The following DLGAP2 variants were observed in gnomAD, a reference collection of about 807,000 sequenced individuals.
The protein encoded by DLGAP2 is disks large-associated protein 2.
Under a neutral mutation model 100.3 loss-of-function variants are expected in DLGAP2, and 26 were observed. The ratio of observed to expected loss-of-function variants is 0.26; its 90% CI spans 0.19 to 0.36. The LOEUF is 0.36. Ranked by LOEUF, DLGAP2 falls within the 10% of genes least tolerant of loss-of-function variation. The pLI is 1.00. For synonymous variants in DLGAP2, 886 were observed against 630.1 expected, an observed-to-expected ratio of 1.41 and a Z score of -6.08; for missense variants, 1,858 against 1,453.2, an observed-to-expected ratio of 1.28 and a Z score of -4.53.
At chr8:1,569,286 C>T (rs143818579) in intron 6 of DLGAP2, among the ~76,000 whole-genome samples, 115 of 152,396 alleles carry the variant, frequency 7.5e-4, no homozygotes, top group African/African-American at 2.7e-3. Context: ...ATGAGTCCAA[C>T]AAATGTCAGG....
chr8:915,273 C>T (rs534051949), intron 2 of DLGAP2, among the ~76,000 whole-genome samples: 3 of 152,304 alleles, frequency 2.0e-5, no homozygotes, highest in Admixed American at 6.5e-5. Flanking sequence ...CTGGGCTGGG[C>T]GCGGTGGCTC....
intron 2 of DLGAP2, among the ~76,000 whole-genome samples, chr8:911,334 C>G (rs554293638): frequency 6.8e-6 from 1 of 147,210 alleles, no homozygotes; most frequent in East Asian, 2.1e-4. Flanking sequence ...GTTGGAAGGA[C>G]GCATGTATAA....
chr8:1,375,050 T>C (rs1802356011), intron 3 of DLGAP2, among the ~76,000 whole-genome samples: 1 of 152,166 alleles, frequency 6.6e-6, no homozygotes, highest in Admixed American at 6.5e-5. Context: ...GCTGTTCATC[T>C]CCAGGAAATT....
intron 8 of DLGAP2, among the ~76,000 whole-genome samples, chr8:1,648,132 G>C (rs976385488): frequency 2.0e-5 from 3 of 152,230 alleles, no homozygotes; most frequent in South Asian, 4.1e-4. Context: ...ACGTATGAGT[G>C]AGTGATTTGA....
At chr8:1,253,817 TC>T (rs1178132335) in intron 2 of DLGAP2, among the ~76,000 whole-genome samples, 2 of 152,204 alleles carry the variant, frequency 1.3e-5, no homozygotes, top group Admixed American at 6.5e-5. Flanking sequence ...ACATTGTGAA[TC>T]TTTTTTAATG....
At chr8:1,148,337 CT>C (rs1318051836) in intron 2 of DLGAP2, among the ~76,000 whole-genome samples, 5 of 151,966 alleles carry the variant, frequency 3.3e-5, no homozygotes, top group Admixed American at 6.6e-5. Flanking sequence ...TTGCTTTAAG[CT>C]TCTTTTGTTT....
intron 1 of DLGAP2, among the ~76,000 whole-genome samples, chr8:878,729 A>T (rs1184749669): frequency 6.6e-6 from 1 of 152,142 alleles, no homozygotes; most frequent in Admixed American, 6.5e-5. Flanking sequence ...CTTTCCAAGA[A>T]GGTGGATTTT....
At position 1,538,514 on chromosome 8, in the gene DLGAP2, A is replaced by G. The variant is rs566804049; in HGVS notation, c.173-10112A>G. Reference sequence around the variant, plus strand: ...GGCTCAGGGCTCAGACTGCATGATAAGATAACCATTTTGTGAAAAGATGAA... The same window carrying G: ...GGCTCAGGGCTCAGACTGCATGATAGGATAACCATTTTGTGAAAAGATGAA... On this transcript the variant is annotated intron_variant, in intron 4 of 14. Transcript: ENST00000637795. Among the ~76,000 whole-genome samples the G allele has an allele frequency of 8.5e-5, 13 of 152,322 alleles. No homozygotes were observed. In the South Asian group the frequency reaches 2.7e-3, roughly 32 times the overall value.
chr8:873,779 A>G (rs956676175), intron 1 of DLGAP2, among the ~76,000 whole-genome samples: 11 of 152,192 alleles, frequency 7.2e-5, no homozygotes, highest in Non-Finnish European at 1.5e-4. Context: ...GATATAAAGA[A>G]AGTTTGTTTT....
chr8:1,047,020 A>G (rs1802535402), intron 2 of DLGAP2, among the ~76,000 whole-genome samples: 1 of 152,098 alleles, frequency 6.6e-6, no homozygotes, highest in East Asian at 1.9e-4. Flanking sequence ...AAATTTACTC[A>G]TTTCTAGTAA....
intron 2 of DLGAP2, among the ~76,000 whole-genome samples, chr8:1,173,107 C>A (rs973625195): frequency 6.6e-6 from 1 of 152,202 alleles, no homozygotes; most frequent in African/African-American, 2.4e-5. Context: ...AGAGACAGGA[C>A]CCTCAGCTGC....
At chr8:867,234 T>A (rs900575447) in intron 1 of DLGAP2, among the ~76,000 whole-genome samples, 11 of 152,240 alleles carry the variant, frequency 7.2e-5, no homozygotes, top group Non-Finnish European at 1.5e-4. Flanking sequence ...TTTCTTTGGG[T>A]CTTTCCTGGA....
intron 3 of DLGAP2, among the ~76,000 whole-genome samples, chr8:1,288,587 AGT>A (rs1156600747): frequency 0.6 from 71,594 of 119,352 alleles, 21,023 homozygotes; most frequent in African/African-American, 0.74. Context: ...GTTTCAGTTG[AGT>A]GTGTGTGTGT....
intron 3 of DLGAP2, among the ~76,000 whole-genome samples, chr8:1,488,892 C>T (rs549484322): frequency 2.4e-4 from 36 of 152,254 alleles, no homozygotes; most frequent in African/African-American, 8.7e-4. Context: ...GACCTGGATT[C>T]AGGGTGGGTA....
At chr8:1,470,307 C>T (rs943903666) in intron 3 of DLGAP2, among the ~76,000 whole-genome samples, 3 of 152,142 alleles carry the variant, frequency 2.0e-5, no homozygotes, top group Admixed American at 6.5e-5. Context: ...TCTCAGCCCC[C>T]AATGCCATCC....
At chr8:1,507,270 T>C (rs1435040998) in intron 4 of DLGAP2, among the ~76,000 whole-genome samples, 1 of 152,164 alleles carries the variant, frequency 6.6e-6, no homozygotes, top group Non-Finnish European at 1.5e-5. Context: ...GGCTCAGGCA[T>C]GGCGGGCTGC....
intron 6 of DLGAP2, chr8:1,621,834 A>C (rs934895318): frequency 6.6e-6 from 1 of 152,122 alleles, no homozygotes. Context: ...AAGAGCCCAG[A>C]GATGGGTTGT....
At chr8:744,939 C>T (rs561992825) in intron 1 of DLGAP2, among the ~76,000 whole-genome samples, 13 of 152,346 alleles carry the variant, frequency 8.5e-5, no homozygotes, top group South Asian at 8.3e-4. Flanking sequence ...CCAGTCTGTC[C>T]GCATGCTGTC....
intron 2 of DLGAP2, among the ~76,000 whole-genome samples, chr8:959,781 G>A (rs1799680415): frequency 6.6e-6 from 1 of 152,174 alleles, no homozygotes; most frequent in African/African-American, 2.4e-5. Context: ...TTAAACTAAA[G>A]AGGAGAGAAT....
Sources: allele counts gnomAD v4.1 joint callset (sites outside exome capture counted in the v4.1 genomes callset), GRCh38; gene constraint gnomAD v4.1.1; transcripts MANE v1.5; gene names NCBI Gene and HGNC (gene_info 2026-07-23, HGNC 2026-07-21).